The following B3GAT2 variants were observed in gnomAD, a reference collection of about 807,000 sequenced individuals.
B3GAT2 encodes the protein beta-1,3-glucuronyltransferase 2, also known as galactosylgalactosylxylosylprotein 3-beta-glucuronosyltransferase 2.
A neutral mutation model predicts 27.8 loss-of-function variants in B3GAT2; 26 were observed. The observed-to-expected ratio is 0.93, with a 90% CI of 0.68 to 1.30. B3GAT2 has a LOEUF of 1.30. Among genes scored for constraint, B3GAT2 ranks in the 50% most tolerant of loss-of-function variants. The pLI, the probability that B3GAT2 is intolerant of heterozygous loss-of-function variation, is 0.00. For synonymous variants in B3GAT2, 218 were observed against 195.1 expected, an observed-to-expected ratio of 1.12 and a Z score of -0.98; for missense variants, 458 against 459.0, an observed-to-expected ratio of 1.00 and a Z score of 0.02.
intron 2 of B3GAT2, among the ~76,000 whole-genome samples, chr6:70,887,896 G>T (rs1435477459): frequency 2.0e-5 from 3 of 152,050 alleles, no homozygotes; most frequent in Non-Finnish European, 4.4e-5. Context: ...TGCCCGCAAA[G>T]ATTGAGTAGA....
At chr6:70,868,896 T>G (rs1308924978) in intron 2 of B3GAT2, among the ~76,000 whole-genome samples, 1 of 152,158 alleles carries the variant, frequency 6.6e-6, no homozygotes, top group Non-Finnish European at 1.5e-5. Flanking sequence ...TACACTGCCT[T>G]TTGGAATGTT....
intron 1 of B3GAT2, among the ~76,000 whole-genome samples, chr6:70,919,710 G>A (rs769246909): frequency 3.3e-5 from 5 of 152,104 alleles, no homozygotes; most frequent in Non-Finnish European, 5.9e-5. Flanking sequence ...CGTTTGCCTC[G>A]GTATCACCAA....
At chr6:70,887,985 C>G (rs1487230807) in intron 2 of B3GAT2, among the ~76,000 whole-genome samples, 1 of 152,166 alleles carries the variant, frequency 6.6e-6, no homozygotes, top group Non-Finnish European at 1.5e-5. Context: ...ATTGTTTATT[C>G]CAAGAGCATG....
chr6:70,881,740 G>A (rs1772102035), intron 2 of B3GAT2, among the ~76,000 whole-genome samples: 1 of 152,246 alleles, frequency 6.6e-6, no homozygotes, highest in Non-Finnish European at 1.5e-5. Flanking sequence ...ATGTGTCTGA[G>A]GCACGGCCCC....
intron 1 of B3GAT2, among the ~76,000 whole-genome samples, chr6:70,947,925 T>C (rs1203470747): frequency 5.3e-5 from 8 of 152,034 alleles, no homozygotes; most frequent in Non-Finnish European, 1.0e-4. Context: ...GCTGGTTCAA[T>C]ATACGCAAAT....
At chr6:70,945,174 C>T (rs921661028) in intron 1 of B3GAT2, among the ~76,000 whole-genome samples, 5 of 152,258 alleles carry the variant, frequency 3.3e-5, no homozygotes, top group African/African-American at 1.2e-4. Flanking sequence ...ACCTCTCCTC[C>T]CCCAAAGGAA....
At chr6:70,954,575 G>A (rs867142680) in intron 1 of B3GAT2, among the ~76,000 whole-genome samples, 1 of 152,218 alleles carries the variant, frequency 6.6e-6, no homozygotes, top group Non-Finnish European at 1.5e-5. Context: ...AGTGTGGGAA[G>A]CAGTTAGGGT....
intron 1 of B3GAT2, among the ~76,000 whole-genome samples, chr6:70,931,109 T>C (rs550007538): frequency 6.6e-6 from 1 of 152,080 alleles, no homozygotes; most frequent in South Asian, 2.1e-4. Flanking sequence ...CCACATGTTC[T>C]CACTCATAGG....
chr6:70,884,317 C>T (rs1772148121), intron 2 of B3GAT2, among the ~76,000 whole-genome samples: 1 of 152,112 alleles, frequency 6.6e-6, no homozygotes, highest in Non-Finnish European at 1.5e-5. Flanking sequence ...TACACCTCCA[C>T]CATTAAATAA....
rs1765415377 is a variant in B3GAT2 at position 70,942,799 on chromosome 6, G to T, written c.591+13040C>A. On this transcript the variant is annotated intron_variant, in intron 1 of 3. Transcript: ENST00000230053. ...TAAAACATCTTCTGAATAGGATGAA[G>T]TTTGAGCTCAGGTAGGTAGAAGGAA... 1.3e-5 allele frequency among the ~76,000 whole-genome samples: 2 copies of T among 152,186 alleles called. 1 individual carries two copies. The highest frequency in any genetic ancestry group is 4.1e-4 in the South Asian group (2 of 4,830).
rs1268030736 is a variant in B3GAT2, at chr6:70,859,403, A to G, written c.*2260T>C. On this transcript the variant is annotated 3_prime_UTR_variant, in exon 4 of 4. Coordinates refer to ENST00000230053, the MANE Select transcript of B3GAT2 (RefSeq NM_080742.3). ...ACTGGCCAATGACAAGGTGGTTAAA[A>G]TGTCCTTTAGTAGGTATGAAGACGT... 5 of 1,548,260 alleles carry G rather than the reference A, an allele frequency of 3.2e-6. No homozygotes were observed. The African/African-American group carries it at 5.5e-5, about 17-fold the overall frequency.
In B3GAT2 at chr6:70,894,257, T is replaced by C. The variant is rs767180832; in HGVS notation, c.607A>G (p.Lys203Glu). The change falls in exon 2 of 4, where the codon AAG becomes GAG. Residue 203 changes from lysine to glutamate, a missense_variant. Coordinates refer to ENST00000230053, the MANE Select transcript of B3GAT2 (RefSeq NM_080742.3). ...AGGCCCACAGGCCAGACGGAGACCT[T>C]GCGGGTGGTTCGCATCTATAAAAAG... ...ELFQEMRTTR[K>E]VSVWPVGLVG... is the part of the protein sequence containing the mutation. 7 of 1,591,654 alleles carry C rather than the reference T, an allele frequency of 4.4e-6. No individual in the cohort carries two copies. Among genetic ancestry groups the C allele is most frequent in the Non-Finnish European group, 6.0e-6 (7 of 1,170,576 alleles).
At chr6:70,952,616 C>T (rs1765595122) in intron 1 of B3GAT2, among the ~76,000 whole-genome samples, 1 of 152,110 alleles carries the variant, frequency 6.6e-6, no homozygotes, top group African/African-American at 2.4e-5. Context: ...GGCAGGATTA[C>T]CTGTGATCCA....
intron 1 of B3GAT2, among the ~76,000 whole-genome samples, chr6:70,925,927 GC>G (rs1772948848): frequency 6.6e-6 from 1 of 152,190 alleles, no homozygotes; most frequent in African/African-American, 2.4e-5. Flanking sequence ...ACAGCCAGGT[GC>G]CCCTCTGAGA....
At chr6:70,893,122 T>A (rs1322090599) in intron 2 of B3GAT2, among the ~76,000 whole-genome samples, 1 of 152,200 alleles carries the variant, frequency 6.6e-6, no homozygotes, top group Non-Finnish European at 1.5e-5. Flanking sequence ...CAGCTGTCCA[T>A]GAGCGCTGTG....
intron 1 of B3GAT2, among the ~76,000 whole-genome samples, chr6:70,916,010 T>G (rs768111862): frequency 5.6e-4 from 86 of 152,216 alleles, no homozygotes; most frequent in Admixed American, 1.0e-3. Flanking sequence ...ATTTTCATGA[T>G]AGTGATTCTC....
intron 1 of B3GAT2, among the ~76,000 whole-genome samples, chr6:70,933,643 A>G (rs1173397485): frequency 6.6e-6 from 1 of 152,218 alleles, no homozygotes; most frequent in African/African-American, 2.4e-5. Context: ...TGGCATTTTC[A>G]TCTTGCAATG....
intron 1 of B3GAT2, among the ~76,000 whole-genome samples, chr6:70,916,898 T>C (rs1429124824): frequency 6.6e-6 from 1 of 152,182 alleles, no homozygotes; most frequent in Admixed American, 6.5e-5. Flanking sequence ...GTTATCAGGA[T>C]GATGTTGGCC....
Position 70,858,483 on chromosome 6 carries a change from A to C in B3GAT2, c.*3180T>G. 1 of 328,648 alleles carries C rather than the reference A, an allele frequency of 3.0e-6. No individual in the cohort carries two copies. The highest frequency in any genetic ancestry group is 5.5e-6 in the Non-Finnish European group (1 of 181,746). 20.4% of individuals were successfully genotyped at this position (328,648 alleles called of 1,614,324 possible). ...TAAACATCTTTCATTTCAAATTGTA[A>C]TGTAACTGTAACGTGAACACCACTA... is the stretch of plus-strand genomic sequence containing the variant. On this transcript the variant is annotated 3_prime_UTR_variant, in exon 4 of 4. Coordinates refer to ENST00000230053, the MANE Select transcript of B3GAT2 (RefSeq NM_080742.3).
Sources: allele counts gnomAD v4.1 joint callset (sites outside exome capture counted in the v4.1 genomes callset), GRCh38; gene constraint gnomAD v4.1.1; transcripts MANE v1.5; gene names NCBI Gene and HGNC (gene_info 2026-07-23, HGNC 2026-07-21).